RSPO2: variants seen among roughly 807,000 people sequenced by gnomAD.
The protein encoded by RSPO2 is R-spondin-2.
A neutral mutation model predicts 30.9 loss-of-function variants in RSPO2; 14 were observed. That is an observed-to-expected ratio of 0.45 (90% CI 0.30 to 0.71). RSPO2 has a LOEUF of 0.71. Ranked by LOEUF, RSPO2 falls within the 30% of genes least tolerant of loss-of-function variation. The probability of loss-of-function intolerance (pLI) is 0.08; values close to 1 mark genes in which losing one functional copy is unlikely to be tolerated. For synonymous variants in RSPO2, 107 were observed against 96.4 expected (o/e 1.11, Z -0.64); for missense variants, 264 against 301.9 (o/e 0.87, Z 0.93).
chr8:107,947,748 C>T (rs1035789339), intron 5 of RSPO2, among the ~76,000 whole-genome samples: 1 of 152,210 alleles, frequency 6.6e-6, no homozygotes, highest in Non-Finnish European at 1.5e-5. Context: ...CCTTCACACT[C>T]AAATGTCTCA....
At chr8:107,998,085 A>C (rs183384631) in intron 2 of RSPO2, among the ~76,000 whole-genome samples, 1 of 152,324 alleles carries the variant, frequency 6.6e-6, no homozygotes, top group Non-Finnish European at 1.5e-5. Flanking sequence ...TAATGTTGCA[A>C]GTTCAACAAA....
At chr8:107,983,060 C>G in intron 3 of RSPO2, 2 of 1,243,332 alleles carry the variant, frequency 1.6e-6, no homozygotes, top group Non-Finnish European at 2.2e-6. Context: ...GCAGTCCCCT[C>G]CATGTTCCCT....
At chr8:107,909,007 G>C (rs544194427) in intron 5 of RSPO2, among the ~76,000 whole-genome samples, 8 of 152,270 alleles carry the variant, frequency 5.3e-5, no homozygotes, top group Admixed American at 1.3e-4. Context: ...GCTGTTTGGT[G>C]GTGATTCCTG....
intron 2 of RSPO2, among the ~76,000 whole-genome samples, chr8:108,042,500 C>A (rs1483699108): frequency 6.6e-6 from 1 of 152,132 alleles, no homozygotes; most frequent in Non-Finnish European, 1.5e-5. Context: ...CAACCCAAGT[C>A]TCATTACAGC....
chr8:108,011,134 G>GAAAA (rs66722934), intron 2 of RSPO2, among the ~76,000 whole-genome samples: 40 of 100,094 alleles, frequency 4.0e-4, no homozygotes, highest in Non-Finnish European at 6.0e-4. Context: ...CTCCGTCCCA[G>GAAAA]AAAAAAAAAA....
At chr8:107,927,283 C>A (rs993400862) in intron 5 of RSPO2, among the ~76,000 whole-genome samples, 57 of 152,048 alleles carry the variant, frequency 3.7e-4, no homozygotes, top group Admixed American at 4.6e-4. Context: ...TTATCAGCTT[C>A]AGGAGATTTT....
intron 3 of RSPO2, among the ~76,000 whole-genome samples, chr8:107,962,406 T>A (rs2130445617): frequency 6.6e-6 from 1 of 152,296 alleles, no homozygotes; most frequent in East Asian, 1.9e-4. Flanking sequence ...AAATGACCAC[T>A]ATGAAGCAGC....
chr8:107,979,346 C>T (rs889124974), intron 3 of RSPO2, among the ~76,000 whole-genome samples: 1 of 152,158 alleles, frequency 6.6e-6, no homozygotes, highest in African/African-American at 2.4e-5. Flanking sequence ...GAATACTATG[C>T]AGCCATAAAA....
chr8:107,924,107 C>CA (rs1181147610), intron 5 of RSPO2, among the ~76,000 whole-genome samples: 2 of 149,430 alleles, frequency 1.3e-5, no homozygotes, highest in Non-Finnish European at 3.0e-5. Flanking sequence ...AAAAAAAAGA[C>CA]AAAAAAGAGT....
At chr8:108,048,321 T>C (rs1462127041) in intron 2 of RSPO2, among the ~76,000 whole-genome samples, 2 of 151,796 alleles carry the variant, frequency 1.3e-5, no homozygotes, top group Non-Finnish European at 2.9e-5. Context: ...TGTCAACCTC[T>C]ACTGCCCTTT....
intron 5 of RSPO2, among the ~76,000 whole-genome samples, chr8:107,905,864 A>AC (rs1427557023): frequency 6.6e-6 from 1 of 151,986 alleles, no homozygotes; most frequent in Admixed American, 6.6e-5. Flanking sequence ...TCTAGAAAAC[A>AC]CCAACTGGTT....
intron 5 of RSPO2, among the ~76,000 whole-genome samples, chr8:107,937,956 TTTC>T (rs1480648591): frequency 6.6e-6 from 1 of 152,130 alleles, no homozygotes; most frequent in Non-Finnish European, 1.5e-5. Context: ...TATATAAATA[TTTC>T]TTGTTAGTCT....
intron 2 of RSPO2, among the ~76,000 whole-genome samples, chr8:108,068,898 A>G (rs371817332): frequency 6.6e-6 from 1 of 152,158 alleles, no homozygotes; most frequent in East Asian, 1.9e-4. Flanking sequence ...GTGAGAAAAG[A>G]TATTTCTGCT....
At chr8:108,023,164 T>A (rs1370012056) in intron 2 of RSPO2, among the ~76,000 whole-genome samples, 1 of 152,210 alleles carries the variant, frequency 6.6e-6, no homozygotes, top group Non-Finnish European at 1.5e-5. Flanking sequence ...TAAACTCCTT[T>A]AGCATTCATA....
intron 3 of RSPO2, among the ~76,000 whole-genome samples, chr8:107,971,835 G>T (rs1037805012): frequency 5.3e-5 from 8 of 152,084 alleles, no homozygotes; most frequent in African/African-American, 1.7e-4. Context: ...TTCTTGCTAG[G>T]CATGTCTATC....
chr8:107,961,550 G>C (rs973706660), intron 3 of RSPO2, among the ~76,000 whole-genome samples: 2 of 151,980 alleles, frequency 1.3e-5, no homozygotes, highest in African/African-American at 4.8e-5. Flanking sequence ...TCTATAACTC[G>C]CTCACTGCAG....
intron 5 of RSPO2, among the ~76,000 whole-genome samples, chr8:107,935,773 A>T (rs1032893445): frequency 6.6e-6 from 1 of 151,918 alleles, no homozygotes; most frequent in African/African-American, 2.4e-5. Flanking sequence ...CCACACACTA[A>T]TTAAATAGCC....
At chr8:107,959,627 A>C (rs2130437615) in intron 4 of RSPO2, among the ~76,000 whole-genome samples, 1 of 152,316 alleles carries the variant, frequency 6.6e-6, no homozygotes, top group South Asian at 2.1e-4. Context: ...ATATGCTTAT[A>C]GTTAAGGATT....
At chr8:108,065,097 C>T (rs902880678) in intron 2 of RSPO2, among the ~76,000 whole-genome samples, 2 of 151,742 alleles carry the variant, frequency 1.3e-5, no homozygotes, top group Non-Finnish European at 2.9e-5. Context: ...GTGCAGCACA[C>T]CAACATGGCC....
Sources: allele counts gnomAD v4.1 joint callset (sites outside exome capture counted in the v4.1 genomes callset), GRCh38; gene constraint gnomAD v4.1.1; transcripts MANE v1.5; gene names NCBI Gene and HGNC (gene_info 2026-07-23, HGNC 2026-07-21).